The following FERMT2 variants were observed in gnomAD, a reference collection of about 807,000 sequenced individuals.
FERMT2 encodes the protein FERM domain containing kindlin 2, also known as fermitin family homolog 2.
A neutral mutation model predicts 82.7 loss-of-function variants in FERMT2; 15 were observed. That is an observed-to-expected ratio of 0.18 (90% CI 0.12 to 0.28). FERMT2 has a LOEUF of 0.28. Ranked by LOEUF, FERMT2 falls within the 10% of genes least tolerant of loss-of-function variation. The pLI, the probability that FERMT2 is intolerant of heterozygous loss-of-function variation, is 1.00. For missense variants in FERMT2, 645 were observed against 809.4 expected, an observed-to-expected ratio of 0.80 and a Z score of 2.46; for synonymous variants, 274 against 271.5, an observed-to-expected ratio of 1.01 and a Z score of -0.09.
intron 3 of FERMT2, among the ~76,000 whole-genome samples, chr14:52,917,628 C>T (rs955773679): frequency 1.3e-5 from 2 of 152,102 alleles, no homozygotes; most frequent in East Asian, 3.9e-4. Flanking sequence ...CCTGAAATGA[C>T]AGCAAAAGAT....
chr14:52,881,157 G>A lies in FERMT2; in HGVS notation c.753-19C>T, dbSNP rs1886271798. The A allele has an allele frequency of 3.7e-6, 6 of 1,602,374 alleles. No individual in the cohort carries two copies. The South Asian group carries it at 6.6e-5, about 18-fold the overall frequency. The stretch of plus-strand genomic sequence containing the variant: ...AAGCCATCTGGACAAATTAAGAACA[G>A]TGGAACAAAACAACACAGAATGAAG... On this transcript the variant is annotated intron_variant, in intron 5 of 14. Coordinates refer to ENST00000341590, the MANE Select transcript of FERMT2 (RefSeq NM_006832.3).
chr14:52,926,198 A>C (rs1029805275), intron 2 of FERMT2, among the ~76,000 whole-genome samples: 1 of 151,918 alleles, frequency 6.6e-6, no homozygotes, highest in South Asian at 2.1e-4. Context: ...CTGTATCACT[A>C]AAGTAGTGGT....
At chr14:52,948,239 G>A (rs1243629562) in intron 2 of FERMT2, among the ~76,000 whole-genome samples, 1 of 152,180 alleles carries the variant, frequency 6.6e-6, no homozygotes, top group Non-Finnish European at 1.5e-5. Flanking sequence ...AGTGACATAA[G>A]TCAGGGCTTC....
intron 14 of FERMT2, chr14:52,858,898 G>A (rs1040631202): frequency 2.2e-5 from 4 of 184,464 alleles, no homozygotes; most frequent in African/African-American, 4.7e-5. Flanking sequence ...TTTAACGTTC[G>A]CTTCAGATAC....
At chr14:52,934,796 C>T (rs1889760307) in intron 2 of FERMT2, among the ~76,000 whole-genome samples, 1 of 152,148 alleles carries the variant, frequency 6.6e-6, no homozygotes, top group East Asian at 1.9e-4. Context: ...TAATTCATTG[C>T]AGTTTTATCT....
chr14:52,912,511 C>CTTT lies in FERMT2; in HGVS notation c.391+6609_391+6611dup, dbSNP rs1252702778. 4.6e-3 allele frequency among the ~76,000 whole-genome samples: 643 copies of CTTT among 139,256 alleles called. 8 individuals carry two copies. Among genetic ancestry groups the CTTT allele is most frequent in the Middle Eastern group, 0.015 (4 of 272 alleles). 91.4% of individuals were successfully genotyped at this position (139,256 alleles called of 152,430 possible). ...CTGAACATCCTGTAACAGATCACTA[C>CTTT]TTTTTTTTTTTTTTTTTGAGACAGA... On this transcript the variant is annotated intron_variant, in intron 3 of 14. Coordinates refer to ENST00000341590, the MANE Select transcript of FERMT2 (RefSeq NM_006832.3).
intron 3 of FERMT2, among the ~76,000 whole-genome samples, chr14:52,899,148 G>A (rs1340811847): frequency 6.6e-6 from 1 of 152,136 alleles, no homozygotes; most frequent in African/African-American, 2.4e-5. Flanking sequence ...ATGGGCCCAT[G>A]AGAATTGCTT....
At chr14:52,904,977 G>A (rs1439503079) in intron 3 of FERMT2, among the ~76,000 whole-genome samples, 1 of 151,950 alleles carries the variant, frequency 6.6e-6, no homozygotes, top group Non-Finnish European at 1.5e-5. Context: ...ATAACTTGAG[G>A]TCAGGTGTTC....
At chr14:52,904,096 C>G (rs547475671) in intron 3 of FERMT2, among the ~76,000 whole-genome samples, 1 of 152,332 alleles carries the variant, frequency 6.6e-6, no homozygotes, top group South Asian at 2.1e-4. Context: ...CTTGAGCCCC[C>G]AGGAGTTAGA....
At chr14:52,920,042 T>G (rs187228715) in intron 2 of FERMT2, among the ~76,000 whole-genome samples, 114 of 152,324 alleles carry the variant, frequency 7.5e-4, no homozygotes, top group African/African-American at 2.6e-3. Context: ...CAGGAAACAT[T>G]AATATCTGTT....
chr14:52,885,102 TAG>T (rs1363988525), intron 4 of FERMT2, among the ~76,000 whole-genome samples: 2 of 151,178 alleles, frequency 1.3e-5, no homozygotes, highest in Non-Finnish European at 3.0e-5. Context: ...CACCTGAGGT[TAG>T]GAGTTTGAGA....
chr14:52,864,063 G>T (rs1231847115), intron 12 of FERMT2, among the ~76,000 whole-genome samples: 1 of 151,764 alleles, frequency 6.6e-6, no homozygotes, highest in Admixed American at 6.6e-5. Flanking sequence ...TACAGATTGA[G>T]TATCCATTAT....
At chr14:52,913,575 G>A (rs1286840800) in intron 3 of FERMT2, among the ~76,000 whole-genome samples, 2 of 151,946 alleles carry the variant, frequency 1.3e-5, no homozygotes, top group Non-Finnish European at 2.9e-5. Flanking sequence ...TGGACTTTAT[G>A]GTTTCTGTAG....
chr14:52,927,590 T>TAAAAAAA (rs1566755584), intron 2 of FERMT2, among the ~76,000 whole-genome samples: 4 of 11,810 alleles, frequency 3.4e-4, no homozygotes, highest in African/African-American at 1.0e-3. Context: ...ACCTCATCCC[T>TAAAAAAA]ATAAAAAAAA....
intron 12 of FERMT2, chr14:52,861,269 C>T (rs1182494912): frequency 4.0e-6 from 2 of 500,704 alleles, no homozygotes; most frequent in South Asian, 2.9e-5. Flanking sequence ...AAACACTCCA[C>T]ATTATTTTAG....
intron 2 of FERMT2, among the ~76,000 whole-genome samples, chr14:52,921,404 A>G (rs544386734): frequency 1.7e-4 from 26 of 152,368 alleles, no homozygotes; most frequent in African/African-American, 6.0e-4. Flanking sequence ...GTTTGGCAAA[A>G]GAATGCATGT....
Position 52,914,787 on chromosome 14 carries a change from G to T in FERMT2, c.391+4336C>A, listed in dbSNP as rs139178042. Among the ~76,000 whole-genome samples the T allele has an allele frequency of 1.4e-3, 213 of 152,262 alleles. 1 individual carries two copies. Among genetic ancestry groups the T allele is most frequent in the African/African-American group, 5.0e-3 (207 of 41,538 alleles). On this transcript the variant is annotated intron_variant, in intron 3 of 14. Coordinates refer to ENST00000341590, the MANE Select transcript of FERMT2 (RefSeq NM_006832.3). Reference sequence around the variant, plus strand: ...ATACAAAAATTAGCCAAGTATGATGGTGCGCAACTGTAGTCCCAGCTGCTT... The same window carrying T: ...ATACAAAAATTAGCCAAGTATGATGTTGCGCAACTGTAGTCCCAGCTGCTT...
intron 2 of FERMT2, among the ~76,000 whole-genome samples, chr14:52,933,589 A>C (rs1004078562): frequency 1.3e-5 from 2 of 151,724 alleles, no homozygotes; most frequent in Non-Finnish European, 2.9e-5. Context: ...ACATGCCTGT[A>C]ATCCCAGCTA....
At chr14:52,870,486 T>A (rs1054956238) in intron 10 of FERMT2, among the ~76,000 whole-genome samples, 1 of 152,156 alleles carries the variant, frequency 6.6e-6, no homozygotes, top group African/African-American at 2.4e-5. Context: ...CGACCTCAGA[T>A]GATCCGCCGC....
Sources: allele counts gnomAD v4.1 joint callset (sites outside exome capture counted in the v4.1 genomes callset), GRCh38; gene constraint gnomAD v4.1.1; transcripts MANE v1.5; gene names NCBI Gene and HGNC (gene_info 2026-07-23, HGNC 2026-07-21).